Variants in SEMA4D observed in about 807,000 individuals in gnomAD.
SEMA4D encodes the protein semaphorin 4D.
SEMA4D carries 22 observed loss-of-function variants against 74.8 expected under a neutral mutation model. The ratio of observed to expected loss-of-function variants is 0.29; its 90% CI spans 0.21 to 0.42. SEMA4D has a LOEUF of 0.42. SEMA4D is among the 10% of genes least tolerant of loss of function. The probability of loss-of-function intolerance (pLI) is 1.00; values close to 1 mark genes in which losing one functional copy is unlikely to be tolerated. For missense variants in SEMA4D, 937 were observed against 1,118.4 expected, an observed-to-expected ratio of 0.84 and a Z score of 2.31; for synonymous variants, 445 against 463.7, an observed-to-expected ratio of 0.96 and a Z score of 0.52.
At chr9:89,363,701 A>T (rs1244827666) in intron 17 of SEMA4D, 1 of 1,598,624 alleles carries the variant, frequency 6.3e-7, no homozygotes, top group African/African-American at 1.3e-5. Context: ...GTGAAAAATT[A>T]CCTCATAAAA....
rs1034593669 is a variant in SEMA4D, at chr9:89,492,853, C to T, written c.-310+5066G>A. 1.5e-4 allele frequency among the ~76,000 whole-genome samples: 23 copies of T among 152,274 alleles called. No homozygotes were observed. Among genetic ancestry groups the T allele is most frequent in the African/African-American group, 5.3e-4 (22 of 41,554 alleles). On this transcript the variant is annotated intron_variant, in intron 1 of 15. Coordinates refer to ENST00000422704, the MANE Select transcript of SEMA4D (RefSeq NM_001371194.2). This position sits in a 1 kb window ranked among gnomAD's most constrained non-coding sequence, Gnocchi z 4.3. ...TTGCTCATGTGTGCCTAAGTGTCCC[C>T]TCACCACTCCTCACCTCCCCTACAT... is the stretch of plus-strand genomic sequence containing the variant.
chr9:89,407,594 C>A (rs1295750162), intron 2 of SEMA4D, among the ~76,000 whole-genome samples: 1 of 152,216 alleles, frequency 6.6e-6, no homozygotes, highest in Admixed American at 6.5e-5. Context: ...AAGTCATGCT[C>A]TTATCATAAA....
chr9:89,493,597 C>T (rs1390047134), intron 1 of SEMA4D, among the ~76,000 whole-genome samples: 1 of 152,246 alleles, frequency 6.6e-6, no homozygotes, highest in Non-Finnish European at 1.5e-5. Flanking sequence ...CTAACAAACA[C>T]CCACATTCTA....
chr9:89,393,662 T>C lies in SEMA4D; in HGVS notation c.415-7A>G, dbSNP rs1481984422. 2 of 1,603,336 alleles carry C rather than the reference T, an allele frequency of 1.2e-6. No individual in the cohort carries two copies. The highest frequency in any genetic ancestry group is 1.7e-6 in the Non-Finnish European group (2 of 1,170,112). On this transcript the variant is annotated splice_region_variant and splice_polypyrimidine_tract_variant and intron_variant, in intron 6 of 15. Coordinates refer to ENST00000422704, the MANE Select transcript of SEMA4D (RefSeq NM_001371194.2). The stretch of plus-strand genomic sequence containing the variant: ...ACTTAAAGGATGTTAAGTTCTACAA[T>C]TGAATAAAAAGAGAGCACATCATCA...
chr9:89,456,431 T>G (rs1855945661), intron 1 of SEMA4D, among the ~76,000 whole-genome samples: 1 of 152,218 alleles, frequency 6.6e-6, no homozygotes, highest in African/African-American at 2.4e-5. Flanking sequence ...AAATCACATA[T>G]GAAGACAATG....
intron 2 of SEMA4D, among the ~76,000 whole-genome samples, chr9:89,435,395 G>C (rs1256358849): frequency 6.6e-6 from 1 of 152,134 alleles, no homozygotes; most frequent in African/African-American, 2.4e-5. Context: ...GTAAATTCTA[G>C]TCCGAGGACT....
At chr9:89,382,685 C>T (rs1301915457) in intron 13 of SEMA4D, among the ~76,000 whole-genome samples, 10 of 152,310 alleles carry the variant, frequency 6.6e-5, no homozygotes, top group South Asian at 6.2e-4. Context: ...GGGCATCGCG[C>T]GGCTTGTGGA....
intron 1 of SEMA4D, among the ~76,000 whole-genome samples, chr9:89,457,686 C>A (rs1018859502): frequency 6.6e-6 from 1 of 151,680 alleles, no homozygotes; most frequent in Non-Finnish European, 1.5e-5. Context: ...TATGACTGTG[C>A]CACTGCACTC....
rs1003965331 is a variant in SEMA4D at position 89,463,803 on chromosome 9, G to A, written c.-309-7850C>T. Among the ~76,000 whole-genome samples, 154 of 151,902 alleles carry A rather than the reference G, an allele frequency of 1.0e-3. 2 individuals are homozygous for A. The highest frequency in any genetic ancestry group is 1.3e-4 in the Non-Finnish European group (9 of 67,976). On this transcript the variant is annotated intron_variant, in intron 1 of 15. Transcript: ENST00000422704. ...ATAAAAATTAGCAGGGTGTGGCGGC[G>A]GGCACCTGTAATCCCAGCTACTTGG...
chr9:89,485,871 G>C (rs1437978401), intron 1 of SEMA4D, among the ~76,000 whole-genome samples: 1 of 150,128 alleles, frequency 6.7e-6, no homozygotes, highest in Non-Finnish European at 1.5e-5. Flanking sequence ...TTAGATGCTG[G>C]ACCTCAGTAT....
At chr9:89,432,083 G>C (rs1445460481) in intron 2 of SEMA4D, among the ~76,000 whole-genome samples, 2 of 151,984 alleles carry the variant, frequency 1.3e-5, no homozygotes, top group Non-Finnish European at 2.9e-5. Flanking sequence ...ACAGGAGCCT[G>C]GTGGCCCAGC....
intron 2 of SEMA4D, among the ~76,000 whole-genome samples, chr9:89,436,864 A>G (rs774946298): frequency 6.6e-6 from 1 of 152,222 alleles, no homozygotes; most frequent in Non-Finnish European, 1.5e-5. Flanking sequence ...TACTTCAGTC[A>G]TCTGGGGGCT....
rs1252165606 is a variant in SEMA4D, at chr9:89,393,671, A to C, written c.415-16T>G. Reference sequence around the variant, plus strand: ...ATGTTAAGTTCTACAATTGAATAAAAAGAGAGCACATCATCAGATGGCTGA... The same window carrying C: ...ATGTTAAGTTCTACAATTGAATAAACAGAGAGCACATCATCAGATGGCTGA... On this transcript the variant is annotated splice_polypyrimidine_tract_variant and intron_variant, in intron 6 of 15. Transcript: ENST00000422704. The C allele has an allele frequency of 6.4e-7, 1 of 1,570,096 alleles. No individual in the cohort carries two copies. Among genetic ancestry groups the C allele is most frequent in the Non-Finnish European group, 8.8e-7 (1 of 1,139,930 alleles).
At chr9:89,415,192 T>C (rs77667972) in intron 2 of SEMA4D, among the ~76,000 whole-genome samples, 1 of 152,224 alleles carries the variant, frequency 6.6e-6, no homozygotes, top group African/African-American at 2.4e-5. Flanking sequence ...GGAGGGTGTG[T>C]GGTGTGTGCA....
chr9:89,382,664 G>T (rs1291059866), intron 13 of SEMA4D, among the ~76,000 whole-genome samples: 1 of 152,238 alleles, frequency 6.6e-6, no homozygotes, highest in African/African-American at 2.4e-5. Flanking sequence ...TGACATCCCA[G>T]ATCACAGTTC....
At chr9:89,466,346 C>CA (rs1002604379) in intron 1 of SEMA4D, among the ~76,000 whole-genome samples, 91 of 152,310 alleles carry the variant, frequency 6.0e-4, no homozygotes, top group African/African-American at 2.1e-3. Flanking sequence ...GGAATTCTTT[C>CA]TGGGCTCCTC....
In SEMA4D at chr9:89,405,929, C is replaced by T; in HGVS notation, c.-243-230G>A. The T allele has an allele frequency of 5.1e-6, 6 of 1,174,890 alleles. No homozygotes were observed. The South Asian group carries it at 2.0e-4, about 40-fold the overall frequency. The allele number at this position is 1,174,890 out of a possible 1,614,324, so 72.8% of individuals were successfully genotyped here. ...TGCTTCCCGCTCCTCCAGCTACCAG[C>T]CCAGAACACAGGACAGACACATGGA... is the stretch of plus-strand genomic sequence containing the variant. On this transcript the variant is annotated intron_variant, in intron 2 of 15. Transcript: ENST00000422704.
intron 2 of SEMA4D, among the ~76,000 whole-genome samples, chr9:89,417,732 G>A (rs1846011276): frequency 6.6e-6 from 1 of 152,218 alleles, no homozygotes; most frequent in Non-Finnish European, 1.5e-5. Flanking sequence ...GCTTTCTGGT[G>A]CAGGCACCAG....
At chr9:89,443,702 G>T (rs2135198865) in intron 2 of SEMA4D, among the ~76,000 whole-genome samples, 1 of 152,332 alleles carries the variant, frequency 6.6e-6, no homozygotes, top group African/African-American at 2.4e-5. Flanking sequence ...TCCTGTATGG[G>T]CTGGCACCTG....
Sources: allele counts gnomAD v4.1 joint callset (sites outside exome capture counted in the v4.1 genomes callset), GRCh38; gene constraint gnomAD v4.1.1; non-coding constraint Gnocchi (gnomAD v3.1); transcripts MANE v1.5; gene names NCBI Gene and HGNC (gene_info 2026-07-23, HGNC 2026-07-21).